The following PARD6G variants were observed in gnomAD, a reference collection of about 807,000 sequenced individuals.
PARD6G encodes partitioning defective 6 homolog gamma.
Under a neutral mutation model 10.7 loss-of-function variants are expected in PARD6G, and 7 were observed. The ratio of observed to expected loss-of-function variants is 0.66; its 90% CI spans 0.37 to 1.23. PARD6G has a LOEUF of 1.23. Ranked by LOEUF, PARD6G falls within the 50% of genes most tolerant of loss-of-function variation. The pLI is 0.02. For synonymous variants in PARD6G, 287 were observed against 269.4 expected (o/e 1.07, Z -0.64); for missense variants, 548 against 571.8 (o/e 0.96, Z 0.42).
intron 1 of PARD6G, among the ~76,000 whole-genome samples, chr18:80,234,419 T>A (rs1967395592): frequency 6.6e-6 from 1 of 152,132 alleles, no homozygotes; most frequent in Non-Finnish European, 1.5e-5. Context: ...ATAAAGGATC[T>A]TTTCTGATTT....
chr18:80,165,072 CAG>C (rs1240822086), intron 2 of PARD6G, among the ~76,000 whole-genome samples: 7 of 152,314 alleles, frequency 4.6e-5, no homozygotes, highest in Non-Finnish European at 8.8e-5. Flanking sequence ...CAACAGAAAA[CAG>C]GGTTCGAGAG....
rs1967361944 is a variant in PARD6G at position 80,231,916 on chromosome 18, C to G, written c.72+15361G>C. Reference sequence around the variant, plus strand: ...AGTTATAATAGCACAGGATAGTAAGCCTGTTTTGGGCTCACACTGTGGGCC... The same window carrying G: ...AGTTATAATAGCACAGGATAGTAAGGCTGTTTTGGGCTCACACTGTGGGCC... On this transcript the variant is annotated intron_variant, in intron 1 of 2. Coordinates refer to ENST00000353265, the MANE Select transcript of PARD6G (RefSeq NM_032510.4). The surrounding 1 kb of genome is among the most constrained non-coding windows in gnomAD (Gnocchi z 4.2). Among the ~76,000 whole-genome samples, 1 of 152,098 alleles carries G rather than the reference C, an allele frequency of 6.6e-6. No homozygotes were observed. The highest frequency in any genetic ancestry group is 2.1e-4 in the South Asian group (1 of 4,826).
At chr18:80,210,105 G>A (rs1967093356) in intron 1 of PARD6G, among the ~76,000 whole-genome samples, 1 of 152,094 alleles carries the variant, frequency 6.6e-6, no homozygotes, top group Non-Finnish European at 1.5e-5. Context: ...ACAGCTCTTG[G>A]TCAATAAGCA....
chr18:80,246,177 C>T lies in PARD6G; in HGVS notation c.72+1100G>A, dbSNP rs953677829. Among the ~76,000 whole-genome samples the T allele has an allele frequency of 1.3e-5, 2 of 152,152 alleles. No homozygotes were observed. Among genetic ancestry groups the T allele is most frequent in the Non-Finnish European group, 2.9e-5 (2 of 67,976 alleles). On this transcript the variant is annotated intron_variant, in intron 1 of 2. Transcript: ENST00000353265. The surrounding 1 kb of genome is among the most constrained non-coding windows in gnomAD (Gnocchi z 6.7). The stretch of plus-strand genomic sequence containing the variant: ...CCCACTCCGCCGTTAGGAGCCTTTC[C>T]CACAACTCTGAGAACCGGGGTGCGA...
chr18:80,178,820 C>T (rs542586437), intron 2 of PARD6G, among the ~76,000 whole-genome samples: 2 of 121,246 alleles, frequency 1.6e-5, no homozygotes, highest in African/African-American at 2.5e-5. Context: ...CTCCTTTGCC[C>T]TGCCCCATCA....
At chr18:80,220,605 GT>G (rs1054496043) in intron 1 of PARD6G, among the ~76,000 whole-genome samples, 66 of 148,584 alleles carry the variant, frequency 4.4e-4, no homozygotes, top group Admixed American at 1.7e-3. Flanking sequence ...TGCAATCTTT[GT>G]TTTTTTTTTA....
Position 80,159,894 on chromosome 18 carries a change from C to T in PARD6G, c.1008G>A (p.Gln336=). ...GGCCGCCGTCCAGGGCCAGGTCCCG[C>T]TGCAGCCGCTGCGCCAGGCCCGCGC... is the stretch of plus-strand genomic sequence containing the variant. The part of the protein sequence containing the change: ...VNGAGLAQRL[Q]RDLALDGGLQ... The change falls in exon 3 of 3, where the codon CAG becomes CAA. Residue 336 remains glutamine, a synonymous_variant. Coordinates refer to ENST00000353265, the MANE Select transcript of PARD6G (RefSeq NM_032510.4). 6.6e-7 allele frequency: 1 copy of T among 1,513,946 alleles called. No individual in the cohort carries two copies. The highest frequency in any genetic ancestry group is 8.8e-7 in the Non-Finnish European group (1 of 1,137,492). 93.8% of individuals were successfully genotyped at this position (1,513,946 alleles called of 1,614,324 possible). A position where few individuals can be genotyped will look rare whatever the true frequency, so the allele number is the denominator to read the frequency against.
At chr18:80,241,146 T>C (rs756142993) in intron 1 of PARD6G, among the ~76,000 whole-genome samples, 3 of 152,168 alleles carry the variant, frequency 2.0e-5, no homozygotes, top group Non-Finnish European at 4.4e-5. Context: ...TTCAGACAGC[T>C]GAGGGAGTCT....
intron 1 of PARD6G, among the ~76,000 whole-genome samples, chr18:80,217,835 G>C (rs1215481605): frequency 1.4e-5 from 2 of 141,602 alleles, no homozygotes; most frequent in Non-Finnish European, 3.3e-5. Context: ...AGTTCTGCAG[G>C]GCTGGGAGGC....
At chr18:80,209,645 T>C (rs987482613) in intron 1 of PARD6G, among the ~76,000 whole-genome samples, 3 of 151,916 alleles carry the variant, frequency 2.0e-5, no homozygotes, top group Admixed American at 2.0e-4. Flanking sequence ...ACCATGTCTC[T>C]ACAGAAAAGT....
rs1392651052 is a variant in PARD6G, at chr18:80,175,748, C to T, written c.296-15142G>A. ...CCAAATGTTCACCATCACAAAAAAACACCACAGCGAACAACCACACAGACC... is the reference window on the plus strand; with the variant it reads ...CCAAATGTTCACCATCACAAAAAAATACCACAGCGAACAACCACACAGACC... On this transcript the variant is annotated intron_variant, in intron 2 of 2. Transcript: ENST00000353265. This position sits in a 1 kb window ranked among gnomAD's most constrained non-coding sequence, Gnocchi z 6.7. 1.8e-5 allele frequency: 3 copies of T among 163,502 alleles called. No homozygotes were observed. Among genetic ancestry groups the T allele is most frequent in the South Asian group, 4.1e-4 (2 of 4,836 alleles). The allele number at this position is 163,502 out of a possible 1,614,324, so 10.1% of individuals were successfully genotyped here. A position where few individuals can be genotyped will look rare whatever the true frequency, so the allele number is the denominator to read the frequency against.
At chr18:80,160,650 C>T (rs868512086) in intron 2 of PARD6G, 44 bp from the exon 3 acceptor site, 24 of 1,428,470 alleles carry the variant, frequency 1.7e-5, no homozygotes, top group East Asian at 2.6e-5. Context: ...AACCGAGCCC[C>T]GCCTGAGCCC....
At chr18:80,242,957 C>G (rs1967506100) in intron 1 of PARD6G, among the ~76,000 whole-genome samples, 1 of 152,096 alleles carries the variant, frequency 6.6e-6, no homozygotes, top group Non-Finnish European at 1.5e-5. Context: ...GAAACAGCAT[C>G]TATAAATTGG....
Position 80,247,422 on chromosome 18 carries a change from C to T in PARD6G, c.-74G>A. On this transcript the variant is annotated 5_prime_UTR_variant, in exon 1 of 3. Transcript: ENST00000353265. The surrounding 1 kb of genome is among the most constrained non-coding windows in gnomAD (Gnocchi z 4.2). ...GCAGAAAGACTCCCGGGGGCGGCGC[C>T]CCCAGGCCCCGGCCCCGGCCCCGGC... is the stretch of plus-strand genomic sequence containing the variant. The T allele has an allele frequency of 7.8e-7, 1 of 1,276,146 alleles. No individual in the cohort carries two copies. The allele number at this position is 1,276,146 out of a possible 1,614,324, so 79.1% of individuals were successfully genotyped here.
intron 2 of PARD6G, chr18:80,168,965 C>T (rs529765346): frequency 5.9e-6 from 1 of 169,354 alleles, no homozygotes; most frequent in East Asian, 1.9e-4. Context: ...TTAAAACTAT[C>T]CTGACTCTCT....
intron 2 of PARD6G, among the ~76,000 whole-genome samples, chr18:80,176,545 A>C (rs1193112803): frequency 2.0e-5 from 3 of 152,198 alleles, no homozygotes; most frequent in Non-Finnish European, 4.4e-5. Flanking sequence ...TCTCAGCCTC[A>C]AGAGAAAGGC....
intron 1 of PARD6G, among the ~76,000 whole-genome samples, chr18:80,230,955 G>A (rs1967351650): frequency 6.6e-6 from 1 of 152,188 alleles, no homozygotes; most frequent in Non-Finnish European, 1.5e-5. Context: ...ATAGTCACAA[G>A]GCTAGTAAAT....
At chr18:80,165,498 A>G (rs1044484907) in intron 2 of PARD6G, among the ~76,000 whole-genome samples, 13 of 152,200 alleles carry the variant, frequency 8.5e-5, no homozygotes, top group African/African-American at 2.2e-4. Context: ...AGTTAACAAA[A>G]TTATCACAGT....
chr18:80,185,048 G>A (rs1349769504), intron 2 of PARD6G: 1 of 152,196 alleles, frequency 6.6e-6, no homozygotes, highest in African/African-American at 2.4e-5. Context: ...TTTTAAGAGA[G>A]AGATTTGTGA....
Sources: gnomAD v4.1 joint callset for allele counts (sites outside exome capture counted in the v4.1 genomes callset) on GRCh38, gnomAD v4.1.1 for gene constraint, Gnocchi (gnomAD v3.1) non-coding constraint, MANE v1.5 for transcripts, NCBI Gene and HGNC (gene_info 2026-07-23, HGNC 2026-07-21) for gene names.